DYNC1I1: variants seen among roughly 807,000 people sequenced by gnomAD.
The protein encoded by DYNC1I1 is dynein cytoplasmic 1 intermediate chain 1.
DYNC1I1 carries 43 observed loss-of-function variants against 86.6 expected under a neutral mutation model. That is an observed-to-expected ratio of 0.50 (90% CI 0.39 to 0.64). DYNC1I1 has a LOEUF of 0.64. Ranked by LOEUF, DYNC1I1 falls within the 30% of genes least tolerant of loss-of-function variation. DYNC1I1 has a pLI of 0.00. For synonymous variants in DYNC1I1, 262 were observed against 283.7 expected (o/e 0.92, Z 0.77); for missense variants, 604 against 788.8 (o/e 0.77, Z 2.81).
intron 4 of DYNC1I1, among the ~76,000 whole-genome samples, chr7:95,826,805 A>T (rs1427987403): frequency 2.0e-5 from 3 of 152,194 alleles, no homozygotes; most frequent in Non-Finnish European, 4.4e-5. Context: ...AAGCAAAGTC[A>T]TGAGCCATGC....
intron 6 of DYNC1I1, among the ~76,000 whole-genome samples, chr7:95,947,263 A>G (rs1792428434): frequency 6.6e-6 from 1 of 152,176 alleles, no homozygotes; most frequent in Non-Finnish European, 1.5e-5. Context: ...TACTCACGTC[A>G]GTGTTTCTGT....
chr7:95,880,950 T>C (rs1790441530), intron 6 of DYNC1I1, among the ~76,000 whole-genome samples: 1 of 152,192 alleles, frequency 6.6e-6, no homozygotes, highest in Non-Finnish European at 1.5e-5. Context: ...GAAAATGTTA[T>C]TTTGGCCTCC....
chr7:95,922,848 AT>A (rs910367108), intron 6 of DYNC1I1, among the ~76,000 whole-genome samples: 3 of 150,634 alleles, frequency 2.0e-5, no homozygotes, highest in African/African-American at 2.4e-5. Flanking sequence ...GTTTACCTCC[AT>A]TTTTTTTTCT....
intron 6 of DYNC1I1, among the ~76,000 whole-genome samples, chr7:95,882,947 G>A (rs995374015): frequency 2.0e-5 from 3 of 152,026 alleles, no homozygotes; most frequent in African/African-American, 7.2e-5. Context: ...TTTGGTTTTG[G>A]TTAGGCATAA....
chr7:95,806,386 A>G (rs1190844347), intron 2 of DYNC1I1, among the ~76,000 whole-genome samples: 1 of 152,148 alleles, frequency 6.6e-6, no homozygotes, highest in African/African-American at 2.4e-5. Context: ...GGCAAACTAG[A>G]CTGATGGAAG....
At chr7:95,795,975 G>A (rs193058121) in intron 1 of DYNC1I1, among the ~76,000 whole-genome samples, 3 of 150,506 alleles carry the variant, frequency 2.0e-5, no homozygotes, top group African/African-American at 7.3e-5. Flanking sequence ...ATATGAAGAA[G>A]CCTACTAGAT....
chr7:95,890,727 G>T (rs1035019154), intron 6 of DYNC1I1, among the ~76,000 whole-genome samples: 4 of 152,164 alleles, frequency 2.6e-5, no homozygotes, highest in African/African-American at 9.7e-5. Flanking sequence ...TAAAAATTAG[G>T]TTGCTCAGCC....
At chr7:95,773,568 T>C (rs1048346235) in intron 1 of DYNC1I1, among the ~76,000 whole-genome samples, 1 of 152,192 alleles carries the variant, frequency 6.6e-6, no homozygotes, top group East Asian at 1.9e-4. Flanking sequence ...GGAAATTACA[T>C]AGGAGATCAG....
chr7:95,884,762 C>T (rs114493413), intron 6 of DYNC1I1, among the ~76,000 whole-genome samples: 3,732 of 148,796 alleles, frequency 0.025, 129 homozygotes, highest in African/African-American at 0.079. Flanking sequence ...AGCGAGACCC[C>T]GTTCTCCACG....
intron 6 of DYNC1I1, among the ~76,000 whole-genome samples, chr7:95,916,545 T>C (rs542758097): frequency 6.6e-6 from 1 of 152,214 alleles, no homozygotes; most frequent in Non-Finnish European, 1.5e-5. Flanking sequence ...CATTTTCTTT[T>C]TGTGTTTTCC....
rs142765908 is a variant in DYNC1I1, at chr7:95,902,926, A to C, written c.490+32928A>C. The stretch of plus-strand genomic sequence containing the variant: ...ACCCCCATCTTATTCCATGGAGAAC[A>C]GTATGAAAGCTATCTTTCTAGTTGG... On this transcript the variant is annotated intron_variant, in intron 6 of 16. Transcript: ENST00000447467. Among the ~76,000 whole-genome samples, 117 of 152,328 alleles carry C rather than the reference A, an allele frequency of 7.7e-4. No individual in the cohort carries two copies. The East Asian group carries it at 0.021, about 28-fold the overall frequency.
Position 95,869,874 on chromosome 7 carries a change from T to G in DYNC1I1, c.375-9T>G, listed in dbSNP as rs760942472. ...CCCTCTCTAAGCATTTATTCTTTGT[T>G]ACTTACAGAAGAAGACTGCATAAAC... is the stretch of plus-strand genomic sequence containing the variant. On this transcript the variant is annotated splice_polypyrimidine_tract_variant and intron_variant, in intron 5 of 16. Transcript: ENST00000447467. 4.1e-5 allele frequency: 66 copies of G among 1,611,582 alleles called. No individual in the cohort carries two copies. Among genetic ancestry groups the G allele is most frequent in the Non-Finnish European group, 5.3e-5 (63 of 1,178,956 alleles).
intron 7 of DYNC1I1, among the ~76,000 whole-genome samples, chr7:95,978,515 G>A (rs1289809379): frequency 6.6e-6 from 1 of 152,130 alleles, no homozygotes; most frequent in African/African-American, 2.4e-5. Context: ...ATGAAGAGCG[G>A]GACCTAAGAA....
chr7:95,786,205 T>C (rs2115685567), intron 1 of DYNC1I1, among the ~76,000 whole-genome samples: 1 of 152,128 alleles, frequency 6.6e-6, no homozygotes, highest in East Asian at 1.9e-4. Context: ...TCCAACTTGT[T>C]CCCCATTGCG....
chr7:96,071,236 G>A (rs1392494220), intron 14 of DYNC1I1, among the ~76,000 whole-genome samples: 1 of 152,142 alleles, frequency 6.6e-6, no homozygotes, highest in African/African-American at 2.4e-5. Context: ...CATAAAGGAA[G>A]ATGGCTTTAA....
chr7:95,984,400 C>T (rs1793530940), intron 7 of DYNC1I1, among the ~76,000 whole-genome samples: 1 of 151,770 alleles, frequency 6.6e-6, no homozygotes, highest in African/African-American at 2.4e-5. Context: ...ATAGAGTGTT[C>T]CTAATTATTT....
At chr7:95,919,748 A>G (rs1336750342) in intron 6 of DYNC1I1, among the ~76,000 whole-genome samples, 1 of 152,202 alleles carries the variant, frequency 6.6e-6, no homozygotes, top group Non-Finnish European at 1.5e-5. Flanking sequence ...GAAAAATATG[A>G]AGTGAGAACA....
At chr7:95,900,953 T>C (rs1364959000) in intron 6 of DYNC1I1, among the ~76,000 whole-genome samples, 2 of 152,290 alleles carry the variant, frequency 1.3e-5, no homozygotes, top group Admixed American at 1.3e-4. Context: ...GAAGAAAATA[T>C]TAAAAGGTCC....
chr7:95,877,687 A>G (rs1375947605), intron 6 of DYNC1I1, among the ~76,000 whole-genome samples: 10 of 152,250 alleles, frequency 6.6e-5, no homozygotes, highest in Non-Finnish European at 1.5e-4. Context: ...TAGCTAGCTT[A>G]CCAGACAGAA....
Sources: allele counts gnomAD v4.1 joint callset (sites outside exome capture counted in the v4.1 genomes callset), GRCh38; gene constraint gnomAD v4.1.1; transcripts MANE v1.5; gene names NCBI Gene and HGNC (gene_info 2026-07-23, HGNC 2026-07-21).